Variants in NTM observed in about 807,000 individuals in gnomAD.
NTM encodes neurotrimin, also known as IgLON family member 2.
In NTM, 13 loss-of-function variants were observed where a neutral mutation model predicts 42.1. The observed-to-expected ratio is 0.31, with a 90% CI of 0.20 to 0.49. The LOEUF (loss-of-function observed/expected upper bound fraction) is 0.49, where lower values mean the gene tolerates loss of function less well. Ranked by LOEUF, NTM falls within the 20% of genes least tolerant of loss-of-function variation. NTM has a pLI of 0.99. For missense variants in NTM, 373 were observed against 452.8 expected (o/e 0.82, Z 1.60); for synonymous variants, 187 against 179.2 (o/e 1.04, Z -0.35).
intron 1 of NTM, among the ~76,000 whole-genome samples, chr11:131,820,464 A>G (rs1222031277): frequency 6.6e-6 from 1 of 152,244 alleles, no homozygotes; most frequent in African/African-American, 2.4e-5. Context: ...TATGAAATAA[A>G]TATGTATTAT....
intron 7 of NTM, 157 bp downstream of exon 7, chr11:132,314,860 A>C (rs2095383469): frequency 1.4e-6 from 2 of 1,387,080 alleles, no homozygotes; most frequent in Admixed American, 3.2e-5. Flanking sequence ...AAAGAAATGG[A>C]GAGAGAGGGA....
intron 1 of NTM, among the ~76,000 whole-genome samples, chr11:131,826,932 A>C (rs2042206462): frequency 6.6e-6 from 1 of 152,104 alleles, no homozygotes; most frequent in South Asian, 2.1e-4. Flanking sequence ...ATCTAGCTGG[A>C]GTGCAGAAGA....
chr11:131,510,010 C>T (rs533395740), intron 1 of NTM, among the ~76,000 whole-genome samples: 5 of 151,986 alleles, frequency 3.3e-5, no homozygotes, highest in African/African-American at 1.2e-4. Context: ...GGGCCAGAGG[C>T]CAGTTTCCCA....
At chr11:131,994,930 C>T (rs959702435) in intron 2 of NTM, among the ~76,000 whole-genome samples, 1 of 152,182 alleles carries the variant, frequency 6.6e-6, no homozygotes, top group African/African-American at 2.4e-5. Flanking sequence ...ATTCCTCCCC[C>T]TCTCTTATTC....
intron 1 of NTM, among the ~76,000 whole-genome samples, chr11:131,603,974 A>G (rs1188602206): frequency 6.6e-6 from 1 of 152,190 alleles, no homozygotes; most frequent in African/African-American, 2.4e-5. Flanking sequence ...TTTACCTGTT[A>G]TAAATAATGC....
At chr11:131,846,719 T>C (rs2044952942) in intron 1 of NTM, among the ~76,000 whole-genome samples, 1 of 152,106 alleles carries the variant, frequency 6.6e-6, no homozygotes, top group African/African-American at 2.4e-5. Context: ...GTATTATTTA[T>C]AGAAATCTGT....
intron 4 of NTM, among the ~76,000 whole-genome samples, chr11:132,216,593 C>T (rs1260326408): frequency 1.3e-5 from 2 of 152,226 alleles, no homozygotes; most frequent in African/African-American, 2.4e-5. Flanking sequence ...ACAGAAATGT[C>T]CTCCTTTCCA....
At chr11:132,194,661 G>C (rs1207885694) in intron 3 of NTM, among the ~76,000 whole-genome samples, 2 of 151,908 alleles carry the variant, frequency 1.3e-5, no homozygotes, top group South Asian at 2.1e-4. Flanking sequence ...CAAATAGGAA[G>C]GTAGGAAGTC....
intron 1 of NTM, among the ~76,000 whole-genome samples, chr11:131,517,209 G>A (rs1334394718): frequency 6.6e-6 from 1 of 152,156 alleles, no homozygotes; most frequent in Non-Finnish European, 1.5e-5. Context: ...CCTCCAAATG[G>A]ATGCCTGATT....
chr11:132,128,233 AGT>A (rs1471573656), intron 2 of NTM, among the ~76,000 whole-genome samples: 2 of 123,322 alleles, frequency 1.6e-5, no homozygotes. Context: ...TTGTTCTGTG[AGT>A]GTGTTTTTTT....
At chr11:131,715,760 C>T (rs1260064859) in intron 1 of NTM, among the ~76,000 whole-genome samples, 1 of 152,166 alleles carries the variant, frequency 6.6e-6, no homozygotes, top group Admixed American at 6.5e-5. Context: ...ACAATATGTA[C>T]TCACTTTTGT....
At chr11:132,169,268 C>G (rs1219243653) in intron 3 of NTM, among the ~76,000 whole-genome samples, 14 of 145,830 alleles carry the variant, frequency 9.6e-5, no homozygotes, top group African/African-American at 3.3e-4. Context: ...GAGAGGCAGG[C>G]ATTCTCAACC....
chr11:131,764,262 C>T (rs2084753221), intron 1 of NTM, among the ~76,000 whole-genome samples: 1 of 152,194 alleles, frequency 6.6e-6, no homozygotes. Flanking sequence ...GGTGCAACTT[C>T]ATTTCCAGAC....
chr11:131,684,681 C>G (rs1358065217), intron 1 of NTM, among the ~76,000 whole-genome samples: 1 of 152,240 alleles, frequency 6.6e-6, no homozygotes, highest in Non-Finnish European at 1.5e-5. Context: ...ACCTCCCTGC[C>G]TCTGTTTGAG....
chr11:132,280,912 A>T (rs1362029394), intron 4 of NTM, among the ~76,000 whole-genome samples: 1 of 152,224 alleles, frequency 6.6e-6, no homozygotes, highest in Admixed American at 6.5e-5. Flanking sequence ...CATTGCCCAC[A>T]GGGCAGTCAT....
At chr11:131,732,595 G>T (rs1031214073) in intron 1 of NTM, among the ~76,000 whole-genome samples, 2 of 152,162 alleles carry the variant, frequency 1.3e-5, no homozygotes, top group African/African-American at 2.4e-5. Flanking sequence ...TGATTTCCAC[G>T]GGTGTTTCAT....
intron 1 of NTM, among the ~76,000 whole-genome samples, chr11:131,632,158 C>T (rs1179203935): frequency 6.6e-6 from 1 of 152,142 alleles, no homozygotes; most frequent in Non-Finnish European, 1.5e-5. Flanking sequence ...TTATTTGGTG[C>T]TGAAGCTCTT....
chr11:132,142,921 C>T (rs1291920105), intron 2 of NTM, among the ~76,000 whole-genome samples: 1 of 152,136 alleles, frequency 6.6e-6, no homozygotes, highest in Non-Finnish European at 1.5e-5. Context: ...CCAGGACAGT[C>T]CTCTCGTGTT....
At chr11:131,419,846 C>T (rs1048080621) in intron 1 of NTM, among the ~76,000 whole-genome samples, 4 of 152,208 alleles carry the variant, frequency 2.6e-5, no homozygotes, top group South Asian at 4.2e-4. Flanking sequence ...GAAATGCTGG[C>T]GGCTTAGACT....
Sources: gnomAD v4.1 joint callset for allele counts (sites outside exome capture counted in the v4.1 genomes callset) on GRCh38, gnomAD v4.1.1 for gene constraint, MANE v1.5 for transcripts, NCBI Gene and HGNC (gene_info 2026-07-23, HGNC 2026-07-21) for gene names.